Variants in PREX1 observed in about 807,000 individuals in gnomAD.
PREX1 encodes the protein phosphatidylinositol-3,4,5-trisphosphate dependent Rac exchange factor 1.
A neutral mutation model predicts 198.3 loss-of-function variants in PREX1; 41 were observed. The observed-to-expected ratio is 0.21, with a 90% confidence interval of 0.16 to 0.27. The LOEUF (loss-of-function observed/expected upper bound fraction) is 0.27, where lower values mean the gene tolerates loss of function less well. Ranked by LOEUF, PREX1 falls within the 10% of genes least tolerant of loss-of-function variation. The pLI, the probability that PREX1 is intolerant of heterozygous loss-of-function variation, is 1.00. For missense variants in PREX1, 1,620 were observed against 2,200.7 expected (o/e 0.74, Z 5.28); for synonymous variants, 843 against 887.2 (o/e 0.95, Z 0.89).
intron 1 of PREX1, among the ~76,000 whole-genome samples, chr20:48,786,851 G>GAA (rs2090315108): frequency 2.6e-5 from 4 of 151,390 alleles, no homozygotes; most frequent in Non-Finnish European, 4.4e-5. Context: ...AAAAGAGAGA[G>GAA]AGAAAGAGAA....
chr20:48,746,829 ATAAC>A (rs1231317183), intron 2 of PREX1, among the ~76,000 whole-genome samples: 3 of 152,148 alleles, frequency 2.0e-5, no homozygotes, highest in Admixed American at 2.0e-4. Context: ...TTTGTAAACT[ATAAC>A]AAACAGTGTA....
At chr20:48,713,757 A>G (rs112543067) in intron 5 of PREX1, among the ~76,000 whole-genome samples, 1 of 128,702 alleles carries the variant, frequency 7.8e-6, no homozygotes, top group Non-Finnish European at 1.6e-5. Context: ...TAAAAAAAAA[A>G]AAGAGAGAGA....
chr20:48,720,125 G>C (rs2089978821), intron 5 of PREX1, among the ~76,000 whole-genome samples: 1 of 152,158 alleles, frequency 6.6e-6, no homozygotes, highest in Admixed American at 6.5e-5. Flanking sequence ...CAAGGTACCT[G>C]CTTGACTTCC....
intron 1 of PREX1, among the ~76,000 whole-genome samples, chr20:48,820,711 G>C (rs576036368): frequency 3.9e-5 from 6 of 152,274 alleles, no homozygotes; most frequent in East Asian, 1.9e-4. Flanking sequence ...GTCACAACTG[G>C]GGAAGAGGGG....
chr20:48,854,384 T>C, the PREX1 span, among the ~76,000 whole-genome samples: 5 of 152,010 alleles, frequency 3.3e-5, no homozygotes, highest in African/African-American at 1.2e-4. Context: ...GGGCAGAGTG[T>C]GTACAAAAGA....
intron 1 of PREX1, among the ~76,000 whole-genome samples, chr20:48,792,026 T>G (rs1197369820): frequency 6.6e-6 from 1 of 152,188 alleles, no homozygotes; most frequent in Admixed American, 6.5e-5. Context: ...GGGGCCTGCC[T>G]GTGGGGGCTC....
chr20:48,769,156 C>A (rs183403890), intron 1 of PREX1, among the ~76,000 whole-genome samples: 1 of 152,158 alleles, frequency 6.6e-6, no homozygotes, highest in Non-Finnish European at 1.5e-5. Context: ...GCCAAAGAGA[C>A]GAGCCACCCT....
rs6066811 is a variant in PREX1 at position 48,664,391 on chromosome 20, G to C, written c.1738+1892C>G. Among the ~76,000 whole-genome samples, 954 of 150,352 alleles carry C rather than the reference G, an allele frequency of 6.3e-3. 11 individuals carry two copies. The highest frequency in any genetic ancestry group is 5.7e-3 in the Non-Finnish European group (382 of 67,372). The stretch of plus-strand genomic sequence containing the variant: ...CTCCGTCTGAAAAAAAAAAAAAAGA[G>C]AGAGAATCCGAGCTAGGAGCAGAGT... On this transcript the variant is annotated intron_variant, in intron 15 of 39. Coordinates refer to ENST00000371941, the MANE Select transcript of PREX1 (RefSeq NM_020820.4).
intron 11 of PREX1, among the ~76,000 whole-genome samples, chr20:48,680,331 G>C (rs2089741374): frequency 6.6e-6 from 1 of 152,098 alleles, no homozygotes; most frequent in Admixed American, 6.6e-5. Flanking sequence ...TGGGCTCCCT[G>C]CTGTCACCCT....
chr20:48,740,203 GAGTAA>G (rs1254105982), intron 3 of PREX1, among the ~76,000 whole-genome samples: 1 of 152,130 alleles, frequency 6.6e-6, no homozygotes, highest in Non-Finnish European at 1.5e-5. Context: ...GGAGTAAATG[GAGTAA>G]ACAAGCCTGG....
chr20:48,846,221 C>T, the PREX1 span, among the ~76,000 whole-genome samples: 343 of 152,194 alleles, frequency 2.3e-3, no homozygotes, highest in Non-Finnish European at 4.3e-3. Flanking sequence ...TAGCTACAGG[C>T]TGTGGTGCAT....
intron 5 of PREX1, among the ~76,000 whole-genome samples, chr20:48,718,744 T>C (rs985058479): frequency 6.6e-6 from 1 of 152,326 alleles, no homozygotes; most frequent in Non-Finnish European, 1.5e-5. Flanking sequence ...TATATTAATA[T>C]TGGAAAAAAC....
At chr20:48,722,222 A>G (rs2089989407) in intron 5 of PREX1, among the ~76,000 whole-genome samples, 1 of 152,204 alleles carries the variant, frequency 6.6e-6, no homozygotes, top group East Asian at 1.9e-4. Flanking sequence ...TCCATCAGCT[A>G]ATGAGTGCAT....
At chr20:48,659,236 G>A (rs1385959827) in intron 16 of PREX1, among the ~76,000 whole-genome samples, 1 of 138,460 alleles carries the variant, frequency 7.2e-6, no homozygotes, top group Non-Finnish European at 1.6e-5. Flanking sequence ...AGAAAGAAAA[G>A]GAAGGAAGGA....
At chr20:48,853,460 C>T in the PREX1 span, among the ~76,000 whole-genome samples, 1 of 152,140 alleles carries the variant, frequency 6.6e-6, no homozygotes, top group East Asian at 1.9e-4. Context: ...CTTATGCAAC[C>T]ATCAGATCTC....
chr20:48,880,319 T>A, the PREX1 span, among the ~76,000 whole-genome samples: 1 of 152,222 alleles, frequency 6.6e-6, no homozygotes, highest in Non-Finnish European at 1.5e-5. Flanking sequence ...TGTGTTCAGC[T>A]GCTGGTAAGA....
At chr20:48,747,774 T>A (rs750323744) in intron 2 of PREX1, 35 bp downstream of exon 2, 1 of 1,578,638 alleles carries the variant, frequency 6.3e-7, no homozygotes, top group East Asian at 2.2e-5. Flanking sequence ...GCAACACAGA[T>A]GCTCTAGAAC....
At chr20:48,648,241 G>A (rs781394148) in intron 25 of PREX1, among the ~76,000 whole-genome samples, 16 of 152,174 alleles carry the variant, frequency 1.1e-4, no homozygotes, top group South Asian at 2.1e-4. Context: ...AAGATAACAC[G>A]TAATTCCACC....
chr20:48,861,698 C>T, the PREX1 span, among the ~76,000 whole-genome samples: 2 of 152,174 alleles, frequency 1.3e-5, no homozygotes, highest in African/African-American at 4.8e-5. Flanking sequence ...GACACACTAT[C>T]TCTGAGACTC....
Sources: gnomAD v4.1 joint callset for allele counts (sites outside exome capture counted in the v4.1 genomes callset) on GRCh38, gnomAD v4.1.1 for gene constraint, MANE v1.5 for transcripts, NCBI Gene and HGNC (gene_info 2026-07-23, HGNC 2026-07-21) for gene names.